The following PIK3C2G variants were observed in gnomAD, a reference collection of about 807,000 sequenced individuals.
PIK3C2G encodes phosphatidylinositol-4-phosphate 3-kinase catalytic subunit type 2 gamma, also known as phosphatidylinositol 3-kinase C2 domain-containing subunit gamma.
PIK3C2G carries 168 observed loss-of-function variants against 181.1 expected under a neutral mutation model. That is an observed-to-expected ratio of 0.93 (90% CI 0.82 to 1.05). PIK3C2G has a LOEUF of 1.05. Among genes scored for constraint, PIK3C2G ranks in the 50% least tolerant of loss-of-function variants. PIK3C2G has a pLI of 0.00. For missense variants in PIK3C2G, 1,869 were observed against 1,732.8 expected, an observed-to-expected ratio of 1.08 and a Z score of -1.40; for synonymous variants, 573 against 592.2, an observed-to-expected ratio of 0.97 and a Z score of 0.47.
intron 22 of PIK3C2G, among the ~76,000 whole-genome samples, chr12:18,500,688 A>G (rs1057198724): frequency 6.6e-6 from 1 of 151,974 alleles, no homozygotes; most frequent in East Asian, 1.9e-4. Flanking sequence ...AAAACAGACC[A>G]CTCGGCTCTA....
chr12:18,295,572 A>G (rs1439198437), intron 5 of PIK3C2G, among the ~76,000 whole-genome samples: 1 of 149,188 alleles, frequency 6.7e-6, no homozygotes, highest in East Asian at 1.9e-4. Context: ...TAAATTATTC[A>G]TAAGTAGATG....
intron 8 of PIK3C2G, among the ~76,000 whole-genome samples, chr12:18,334,620 A>G (rs1938336446): frequency 6.6e-6 from 1 of 151,464 alleles, no homozygotes; most frequent in Non-Finnish European, 1.5e-5. Flanking sequence ...CCAGTGTTCA[A>G]CTTTTTTTTT....
chr12:18,478,811 C>CA (rs1373543465), intron 18 of PIK3C2G, among the ~76,000 whole-genome samples: 1 of 151,864 alleles, frequency 6.6e-6, no homozygotes, highest in African/African-American at 2.4e-5. Context: ...CCCACCTCTA[C>CA]AAAAAATTTA....
chr12:18,664,731 A>G, the PIK3C2G span, among the ~76,000 whole-genome samples: 1 of 151,632 alleles, frequency 6.6e-6, no homozygotes, highest in Non-Finnish European at 1.5e-5. Context: ...GGCACTATTC[A>G]CAATAGCAAA....
chr12:18,273,735 T>C lies in PIK3C2G; in HGVS notation c.-78-8269T>C, dbSNP rs553785315. Among the ~76,000 whole-genome samples the C allele has an allele frequency of 4.0e-4, 61 of 152,278 alleles. No individual in the cohort carries two copies. The Middle Eastern group carries it at 0.02, about 51-fold the overall frequency. ...AACCTAGGCAATACCATTCAGGACA[T>C]AGCCATGGGCAAGGACTCCATGTCT... On this transcript the variant is annotated intron_variant, in intron 1 of 32. Coordinates refer to ENST00000538779, the MANE Select transcript of PIK3C2G (RefSeq NM_001288772.2).
At chr12:18,652,653 A>C (rs577055046), downstream of PIK3C2G, among the ~76,000 whole-genome samples, 6 of 152,242 alleles carry the variant, frequency 3.9e-5, no homozygotes, top group South Asian at 1.2e-3. Flanking sequence ...TTATTACCTA[A>C]ACAAATGATA....
chr12:18,446,067 C>G (rs139504256), intron 18 of PIK3C2G, among the ~76,000 whole-genome samples: 57 of 152,214 alleles, frequency 3.7e-4, no homozygotes, highest in African/African-American at 1.3e-3. Context: ...TTTTGAAAAC[C>G]CTATAATTAG....
chr12:18,310,398 T>C (rs962115736), intron 5 of PIK3C2G, among the ~76,000 whole-genome samples: 1 of 151,876 alleles, frequency 6.6e-6, no homozygotes, highest in Non-Finnish European at 1.5e-5. Flanking sequence ...AAGAAATCTG[T>C]CTTCTTTATA....
chr12:18,382,758 G>C (rs1262744874), intron 14 of PIK3C2G, among the ~76,000 whole-genome samples: 1 of 152,106 alleles, frequency 6.6e-6, no homozygotes, highest in African/African-American at 2.4e-5. Context: ...AATGTGATTT[G>C]AGAAAAGGAT....
At chr12:18,339,431 G>T (rs1191972851) in intron 9 of PIK3C2G, among the ~76,000 whole-genome samples, 1 of 152,104 alleles carries the variant, frequency 6.6e-6, no homozygotes, top group Non-Finnish European at 1.5e-5. Context: ...TACAGTGTGT[G>T]TGTGTACAGA....
chr12:18,361,730 T>G (rs1455663538), intron 11 of PIK3C2G, among the ~76,000 whole-genome samples: 1 of 152,198 alleles, frequency 6.6e-6, no homozygotes, highest in Non-Finnish European at 1.5e-5. Context: ...CTCTGGAATT[T>G]CTGTGAGGTG....
At chr12:18,679,227 G>GAT in the PIK3C2G span, among the ~76,000 whole-genome samples, 11 of 151,712 alleles carry the variant, frequency 7.3e-5, no homozygotes, top group Admixed American at 4.6e-4. Flanking sequence ...TAAGTCCTTT[G>GAT]ATATATATAT....
chr12:18,588,400 GA>G (rs548057382), intron 29 of PIK3C2G, among the ~76,000 whole-genome samples: 3 of 150,624 alleles, frequency 2.0e-5, no homozygotes, highest in Non-Finnish European at 3.0e-5. Context: ...AAATTTACAG[GA>G]AAAAAAACAA....
chr12:18,723,989 G>C, the PIK3C2G span, among the ~76,000 whole-genome samples: 1 of 152,110 alleles, frequency 6.6e-6, no homozygotes, highest in African/African-American at 2.4e-5. Flanking sequence ...AGGAAGTGGA[G>C]TCTGAGTAAT....
Position 18,491,570 on chromosome 12 carries a change from T to G in PIK3C2G, c.2793+12T>G, listed in dbSNP as rs887193713. On this transcript the variant is annotated intron_variant, in intron 20 of 32. Coordinates refer to ENST00000538779, the MANE Select transcript of PIK3C2G (RefSeq NM_001288772.2). ...GGATTGATCACGATGTAAGTCAACT[T>G]ATTCCTCAGATTAATGGAATATTTC... is the stretch of plus-strand genomic sequence containing the variant. 1.7e-5 allele frequency: 23 copies of G among 1,348,268 alleles called. No homozygotes were observed. The highest frequency in any genetic ancestry group is 2.3e-5 in the Non-Finnish European group (22 of 945,424). 83.5% of individuals were successfully genotyped at this position (1,348,268 alleles called of 1,614,324 possible). A position where few individuals can be genotyped will look rare whatever the true frequency, so the allele number is the denominator to read the frequency against.
At chr12:18,443,360 TA>T (rs1388391175) in intron 18 of PIK3C2G, among the ~76,000 whole-genome samples, 7 of 152,160 alleles carry the variant, frequency 4.6e-5, no homozygotes, top group African/African-American at 1.4e-4. Context: ...TCACAAGTAA[TA>T]AAAAATATCA....
intron 8 of PIK3C2G, among the ~76,000 whole-genome samples, chr12:18,330,688 T>C (rs1465011859): frequency 6.6e-6 from 1 of 152,130 alleles, no homozygotes; most frequent in East Asian, 1.9e-4. Context: ...CTTACCTGGG[T>C]ATCAATGAGA....
chr12:18,634,017 T>C (rs1481629914), intron 31 of PIK3C2G, among the ~76,000 whole-genome samples: 1 of 152,150 alleles, frequency 6.6e-6, no homozygotes, highest in Non-Finnish European at 1.5e-5. Context: ...CGCCATATAT[T>C]GGATGCTGGT....
chr12:18,629,560 G>C (rs1486605346), intron 31 of PIK3C2G, among the ~76,000 whole-genome samples: 1 of 152,182 alleles, frequency 6.6e-6, no homozygotes, highest in Non-Finnish European at 1.5e-5. Context: ...GAATAATGCT[G>C]TTACAAATAA....
Sources: allele counts gnomAD v4.1 joint callset (sites outside exome capture counted in the v4.1 genomes callset), GRCh38; gene constraint gnomAD v4.1.1; transcripts MANE v1.5; gene names NCBI Gene and HGNC (gene_info 2026-07-23, HGNC 2026-07-21).